The following DNER variants were observed in gnomAD, a reference collection of about 807,000 sequenced individuals.
DNER encodes delta and Notch-like epidermal growth factor-related receptor.
In DNER, 33 loss-of-function variants were observed where a neutral mutation model predicts 78.2. That is an observed-to-expected ratio of 0.42 (90% confidence interval 0.32 to 0.56). The LOEUF (loss-of-function observed/expected upper bound fraction) is 0.56. Ranked by LOEUF, DNER falls within the 20% of genes least tolerant of loss-of-function variation. The pLI is 0.11. For missense variants in DNER, 918 were observed against 975.3 expected (o/e 0.94, Z 0.78); for synonymous variants, 417 against 384.8 (o/e 1.08, Z -0.98).
At chr2:229,396,943 A>T (rs1374331407) in intron 10 of DNER, among the ~76,000 whole-genome samples, 4 of 152,152 alleles carry the variant, frequency 2.6e-5, no homozygotes, top group African/African-American at 4.8e-5. Context: ...GTGTGAAGGA[A>T]TTGTGCCATT....
At chr2:229,514,819 C>A (rs540146292) in intron 5 of DNER, among the ~76,000 whole-genome samples, 1 of 152,168 alleles carries the variant, frequency 6.6e-6, no homozygotes, top group Admixed American at 6.5e-5. Flanking sequence ...CCCTCACAAA[C>A]CAACCAAGAG....
At chr2:229,652,952 A>T (rs983492868) in intron 1 of DNER, among the ~76,000 whole-genome samples, 2 of 152,248 alleles carry the variant, frequency 1.3e-5, no homozygotes, top group African/African-American at 4.8e-5. Context: ...GTCGGGGATG[A>T]TTAGCTCAAT....
At chr2:229,713,729 G>A (rs1336764967) in intron 1 of DNER, among the ~76,000 whole-genome samples, 3 of 152,224 alleles carry the variant, frequency 2.0e-5, no homozygotes, top group African/African-American at 7.2e-5. Context: ...GGTCCAGCCG[G>A]ACGTGGAGCG....
At chr2:229,608,286 G>C (rs1169872712) in intron 1 of DNER, among the ~76,000 whole-genome samples, 1 of 152,088 alleles carries the variant, frequency 6.6e-6, no homozygotes, top group African/African-American at 2.4e-5. Flanking sequence ...AGTATTCTTG[G>C]AGCACAGTCA....
chr2:229,608,565 G>A (rs560717468), intron 1 of DNER, among the ~76,000 whole-genome samples: 19 of 152,268 alleles, frequency 1.2e-4, no homozygotes, highest in African/African-American at 3.1e-4. Context: ...CAGACAAATC[G>A]CAGAAACACC....
At chr2:229,705,273 G>C (rs12474029) in intron 1 of DNER, among the ~76,000 whole-genome samples, 22,161 of 152,128 alleles carry the variant, frequency 0.15, 1,751 homozygotes, top group African/African-American at 0.2. Context: ...TTAACTACAA[G>C]GACCAGATAA....
chr2:229,514,975 T>C lies in DNER; in HGVS notation c.994-2039A>G, dbSNP rs757386791. 2.9e-4 allele frequency among the ~76,000 whole-genome samples: 44 copies of C among 152,240 alleles called. 2 individuals carry two copies. Among genetic ancestry groups the C allele is most frequent in the African/African-American group, 1.2e-4 (5 of 41,466 alleles). On this transcript the variant is annotated intron_variant, in intron 5 of 12. Transcript: ENST00000341772. ...CATAATCAAGTCTCCTTTAGTTTAATAATACATTCTTCAATGATATCTTAG... is the reference window on the plus strand; with the variant it reads ...CATAATCAAGTCTCCTTTAGTTTAACAATACATTCTTCAATGATATCTTAG...
chr2:229,479,209 C>T (rs1054840529), intron 6 of DNER, among the ~76,000 whole-genome samples: 2 of 152,168 alleles, frequency 1.3e-5, no homozygotes, highest in South Asian at 4.2e-4. Context: ...ATGAGGAAAC[C>T]GAGGATTATG....
intron 7 of DNER, among the ~76,000 whole-genome samples, chr2:229,475,367 C>T (rs1412086683): frequency 6.6e-6 from 1 of 152,214 alleles, no homozygotes. Context: ...CACCATGATT[C>T]TTCTCATCCT....
chr2:229,638,145 T>C (rs1327382392), intron 1 of DNER, among the ~76,000 whole-genome samples: 2 of 152,226 alleles, frequency 1.3e-5, no homozygotes, highest in Non-Finnish European at 2.9e-5. Flanking sequence ...AACTGATTTA[T>C]AGATTTCACG....
chr2:229,509,964 C>T (rs193225989), intron 6 of DNER, among the ~76,000 whole-genome samples: 13 of 152,184 alleles, frequency 8.5e-5, no homozygotes, highest in Non-Finnish European at 8.8e-5. Flanking sequence ...TATCTTGAAG[C>T]CTGCAGCCAA....
chr2:229,648,943 C>T (rs922590867), intron 1 of DNER, among the ~76,000 whole-genome samples: 1 of 152,222 alleles, frequency 6.6e-6, no homozygotes, highest in Non-Finnish European at 1.5e-5. Flanking sequence ...CTTGCAATTA[C>T]AGTAGGTTTT....
intron 11 of DNER, among the ~76,000 whole-genome samples, chr2:229,377,137 T>C (rs902145596): frequency 1.3e-5 from 2 of 152,162 alleles, no homozygotes; most frequent in African/African-American, 4.8e-5. Context: ...GTATGTTTCA[T>C]TAACCTTTAT....
chr2:229,520,374 G>A (rs577502822), intron 5 of DNER, among the ~76,000 whole-genome samples: 9 of 152,296 alleles, frequency 5.9e-5, no homozygotes, highest in African/African-American at 1.9e-4. Flanking sequence ...CTCTGAAAAC[G>A]AAATGGAGAT....
intron 6 of DNER, among the ~76,000 whole-genome samples, chr2:229,508,361 A>G (rs1182880089): frequency 6.6e-6 from 1 of 152,168 alleles, no homozygotes. Context: ...CAGAAGACAT[A>G]CAAGAATGCA....
chr2:229,553,563 C>T (rs1353655106), intron 4 of DNER, among the ~76,000 whole-genome samples: 1 of 152,108 alleles, frequency 6.6e-6, no homozygotes. Flanking sequence ...AAGGAAGAAC[C>T]CGAGTAACTG....
intron 7 of DNER, among the ~76,000 whole-genome samples, chr2:229,453,033 T>A (rs1694494268): frequency 6.6e-6 from 1 of 152,236 alleles, no homozygotes; most frequent in Admixed American, 6.5e-5. Flanking sequence ...GTTAAAGAGC[T>A]TTGAACCAAG....
At chr2:229,510,220 A>G (rs531040950) in intron 6 of DNER, among the ~76,000 whole-genome samples, 1 of 152,264 alleles carries the variant, frequency 6.6e-6, no homozygotes, top group East Asian at 1.9e-4. Flanking sequence ...ATCCTGGTGC[A>G]GAATGAGGCC....
intron 1 of DNER, among the ~76,000 whole-genome samples, chr2:229,649,870 C>T (rs1038131733): frequency 1.3e-5 from 2 of 151,878 alleles, no homozygotes; most frequent in African/African-American, 4.8e-5. Context: ...GTCAGGAGAT[C>T]GAGACCATCC....
Sources: gnomAD v4.1 joint callset for allele counts (sites outside exome capture counted in the v4.1 genomes callset) on GRCh38, gnomAD v4.1.1 for gene constraint, MANE v1.5 for transcripts, NCBI Gene and HGNC (gene_info 2026-07-23, HGNC 2026-07-21) for gene names.